L3MBTL3: variants seen among roughly 807,000 people sequenced by gnomAD.
L3MBTL3 encodes L3MBTL histone methyl-lysine binding protein 3.
Under a neutral mutation model 102.3 loss-of-function variants are expected in L3MBTL3, and 27 were observed. The ratio of observed to expected loss-of-function variants is 0.26; its 90% CI spans 0.19 to 0.36. L3MBTL3 has a LOEUF of 0.36. Ranked by LOEUF, L3MBTL3 falls within the 10% of genes least tolerant of loss-of-function variation. L3MBTL3 has a pLI of 1.00. For missense variants in L3MBTL3, 798 were observed against 955.3 expected, an observed-to-expected ratio of 0.84 and a Z score of 2.17; for synonymous variants, 340 against 320.9, an observed-to-expected ratio of 1.06 and a Z score of -0.64.
At chr6:130,019,127 G>T (rs984667478) in intron 1 of L3MBTL3, among the ~76,000 whole-genome samples, 8 of 151,538 alleles carry the variant, frequency 5.3e-5, no homozygotes, top group Non-Finnish European at 1.5e-5. Context: ...GCGCGCAGGC[G>T]GCGGGATGCG....
chr6:130,037,801 C>T (rs1286345273), intron 2 of L3MBTL3, among the ~76,000 whole-genome samples: 1 of 152,092 alleles, frequency 6.6e-6, no homozygotes, highest in South Asian at 2.1e-4. Context: ...ATCCAATCGT[C>T]TGACTCTTCT....
rs768068270 is a variant in L3MBTL3 at position 130,071,146 on chromosome 6, T to G, written c.1244+19T>G. ...ACTATTGGTGAGACATTTTCTGTTG[T>G]GTGCTTTTAAAAATTTAATATTTAT... is the stretch of plus-strand genomic sequence containing the variant. On this transcript the variant is annotated intron_variant, in intron 13 of 22. Transcript: ENST00000361794. 6.3e-7 allele frequency: 1 copy of G among 1,598,754 alleles called. No homozygotes were observed. Among genetic ancestry groups the G allele is most frequent in the South Asian group, 1.1e-5 (1 of 89,078 alleles).
intron 13 of L3MBTL3, among the ~76,000 whole-genome samples, chr6:130,077,281 T>G (rs1272445155): frequency 2.0e-5 from 3 of 152,176 alleles, no homozygotes; most frequent in African/African-American, 7.2e-5. Context: ...GTTTGTATAA[T>G]TTATAAAAGT....
At chr6:130,018,898 G>C (rs1778734366) in intron 1 of L3MBTL3, among the ~76,000 whole-genome samples, 1 of 152,128 alleles carries the variant, frequency 6.6e-6, no homozygotes, top group African/African-American at 2.4e-5. Flanking sequence ...GAAAAAAGTG[G>C]GCAAGTGACT....
rs909979512 is a variant in L3MBTL3 at position 130,140,277 on chromosome 6, A to G, written c.*524A>G. On this transcript the variant is annotated 3_prime_UTR_variant, in exon 23 of 23. Coordinates refer to ENST00000361794, the MANE Select transcript of L3MBTL3 (RefSeq NM_032438.4). ...GAATTGCAACATTATGCTAAGTATA[A>G]CTTTGCAAGTCATGATATTGCCTAA... 1 of 153,004 alleles carries G rather than the reference A, an allele frequency of 6.5e-6. No homozygotes were observed. The highest frequency in any genetic ancestry group is 2.4e-5 in the African/African-American group (1 of 41,436). 9.5% of individuals were successfully genotyped at this position (153,004 alleles called of 1,614,324 possible). A position where few individuals can be genotyped will look rare whatever the true frequency, so the allele number is the denominator to read the frequency against.
chr6:130,125,046 T>G (rs996692421), intron 20 of L3MBTL3, among the ~76,000 whole-genome samples: 1 of 152,092 alleles, frequency 6.6e-6, no homozygotes, highest in East Asian at 1.9e-4. Flanking sequence ...TAAACAGTCG[T>G]CTTAGTACTG....
chr6:130,135,329 G>T (rs1376575635), intron 22 of L3MBTL3, among the ~76,000 whole-genome samples: 1 of 152,048 alleles, frequency 6.6e-6, no homozygotes, highest in Non-Finnish European at 1.5e-5. Context: ...CTCCCAAAGT[G>T]CTGAGATTAC....
chr6:130,031,920 T>A (rs759184042), intron 2 of L3MBTL3, among the ~76,000 whole-genome samples: 14 of 152,172 alleles, frequency 9.2e-5, no homozygotes, highest in Non-Finnish European at 1.6e-4. Flanking sequence ...TATCTACTTT[T>A]CTTTTTTTTG....
At chr6:130,043,771 C>T (rs1293820694) in intron 3 of L3MBTL3, among the ~76,000 whole-genome samples, 1 of 152,160 alleles carries the variant, frequency 6.6e-6, no homozygotes, top group Non-Finnish European at 1.5e-5. Context: ...GCCAAGCCTG[C>T]CCTAGCTCAT....
chr6:130,021,765 G>T (rs1779033845), intron 1 of L3MBTL3, among the ~76,000 whole-genome samples: 1 of 152,014 alleles, frequency 6.6e-6, no homozygotes, highest in Non-Finnish European at 1.5e-5. Flanking sequence ...AGTCCCTTTT[G>T]GTTCTAAGAC....
Position 130,092,725 on chromosome 6 carries a change from A to G in L3MBTL3, c.1519-20A>G, listed in dbSNP as rs1226470785. Reference sequence around the variant, plus strand: ...CTTTTATGACTTAATTTGTACTGTTAATGTCCTTGTGTCATCCAGGTTCAC... The same window carrying G: ...CTTTTATGACTTAATTTGTACTGTTGATGTCCTTGTGTCATCCAGGTTCAC... On this transcript the variant is annotated intron_variant, in intron 16 of 22. Transcript: ENST00000361794. 1 of 1,481,424 alleles carries G rather than the reference A, an allele frequency of 6.8e-7. No homozygotes were observed. Among genetic ancestry groups the G allele is most frequent in the Non-Finnish European group, 9.4e-7 (1 of 1,060,320 alleles). The allele number at this position is 1,481,424 out of a possible 1,614,324, so 91.8% of individuals were successfully genotyped here.
chr6:130,101,951 C>T (rs779252694), intron 18 of L3MBTL3, among the ~76,000 whole-genome samples: 20 of 152,126 alleles, frequency 1.3e-4, no homozygotes, highest in Non-Finnish European at 2.6e-4. Flanking sequence ...CATGGCGATG[C>T]GTGAAATAGT....
chr6:130,043,293 T>G (rs1262133976), intron 3 of L3MBTL3, among the ~76,000 whole-genome samples: 1 of 152,204 alleles, frequency 6.6e-6, no homozygotes, highest in Non-Finnish European at 1.5e-5. Flanking sequence ...AAATATGGAT[T>G]TTTATATAAT....
chr6:130,041,476 A>G (rs865975836), intron 2 of L3MBTL3, among the ~76,000 whole-genome samples: 15 of 152,220 alleles, frequency 9.9e-5, no homozygotes, highest in Admixed American at 9.8e-4. Context: ...GAAAGGCAGG[A>G]TAAATCCATG....
chr6:130,109,485 G>C (rs1453338164), intron 19 of L3MBTL3, among the ~76,000 whole-genome samples: 1 of 152,138 alleles, frequency 6.6e-6, no homozygotes, highest in East Asian at 1.9e-4. Context: ...TCACATGTTT[G>C]TTGGCCACAA....
intron 2 of L3MBTL3, among the ~76,000 whole-genome samples, chr6:130,030,342 T>G (rs762472751): frequency 1.4e-4 from 22 of 152,058 alleles, no homozygotes; most frequent in Non-Finnish European, 2.2e-4. Flanking sequence ...CTGGCTAAGA[T>G]TATACAGCTA....
intron 2 of L3MBTL3, among the ~76,000 whole-genome samples, chr6:130,030,613 G>T (rs767285789): frequency 6.4e-5 from 9 of 140,976 alleles, no homozygotes; most frequent in Non-Finnish European, 1.2e-4. Context: ...CTTGCAGTGA[G>T]CCGAAATCTT....
chr6:130,090,459 TA>T (rs1482450534), intron 16 of L3MBTL3, among the ~76,000 whole-genome samples: 8 of 152,234 alleles, frequency 5.3e-5, no homozygotes, highest in Non-Finnish European at 1.2e-4. Flanking sequence ...TTCTCATTCT[TA>T]ACCAGCTGTA....
chr6:130,075,428 G>T (rs1022022044), intron 13 of L3MBTL3, among the ~76,000 whole-genome samples: 3 of 152,132 alleles, frequency 2.0e-5, no homozygotes, highest in African/African-American at 7.2e-5. Context: ...GGGGTAGGAT[G>T]TGTTTGGGTA....
Sources: gnomAD v4.1 joint callset for allele counts (sites outside exome capture counted in the v4.1 genomes callset) on GRCh38, gnomAD v4.1.1 for gene constraint, MANE v1.5 for transcripts, NCBI Gene and HGNC (gene_info 2026-07-23, HGNC 2026-07-21) for gene names.